The following CEP128 variants were observed in gnomAD, a reference collection of about 807,000 sequenced individuals.
CEP128 encodes centrosomal protein 128kDa.
In CEP128, 132 loss-of-function variants were observed where a neutral mutation model predicts 156.7. The observed-to-expected ratio is 0.84, with a 90% CI of 0.73 to 0.97. The LOEUF (loss-of-function observed/expected upper bound fraction) is 0.97, where lower values mean the gene tolerates loss of function less well. Among genes scored for constraint, CEP128 ranks in the 50% least tolerant of loss-of-function variants. The pLI is 0.00. For synonymous variants in CEP128, 469 were observed against 448.9 expected, an observed-to-expected ratio of 1.04 and a Z score of -0.57; for missense variants, 1,252 against 1,281.9, an observed-to-expected ratio of 0.98 and a Z score of 0.36.
Position 80,479,463 on chromosome 14 carries a change from TAAG to T in CEP128, c.*311-1059_*311-1057del, listed in dbSNP as rs994659260. On this transcript the variant is annotated intron_variant and NMD_transcript_variant, in intron 14 of 14. Transcript: ENST00000554502. ...TTACATGGTAGCAGCAAGAGAAAAATAAGAAGAAGCAAAAGCGGAAACCCCTGA... is the reference window on the plus strand; with the variant it reads ...TTACATGGTAGCAGCAAGAGAAAAATAAGAAGCAAAAGCGGAAACCCCTGA... Among the ~76,000 whole-genome samples, 13 of 151,670 alleles carry T rather than the reference TAAG, an allele frequency of 8.6e-5. 1 individual carries two copies. In the South Asian group the frequency reaches 1.3e-3, roughly 15 times the overall value.
At position 80,798,565 on chromosome 14, in the gene CEP128, A is replaced by T. The variant is rs146219829; in HGVS notation, c.1210-5455T>A. On this transcript the variant is annotated intron_variant, in intron 13 of 24. Coordinates refer to ENST00000555265, the MANE Select transcript of CEP128 (RefSeq NM_152446.5). Reference sequence around the variant, plus strand: ...GTATGGAGCAAAATTTTAGACTCTCAGTAACCAGGTGGTCAAAATAAACTA... The same window carrying T: ...GTATGGAGCAAAATTTTAGACTCTCTGTAACCAGGTGGTCAAAATAAACTA... Among the ~76,000 whole-genome samples, 672 of 152,358 alleles carry T rather than the reference A, an allele frequency of 4.4e-3. 1 individual carries two copies. Among genetic ancestry groups the T allele is most frequent in the South Asian group, 8.1e-3 (39 of 4,832 alleles).
At chr14:80,504,890 G>T in intron 24 of CEP128, 22 bp downstream of exon 24, 3 of 1,279,692 alleles carry the variant, frequency 2.3e-6, no homozygotes, top group South Asian at 1.5e-5. Flanking sequence ...TTTAAAAATG[G>T]GTACAAGACT....
intron 19 of CEP128, among the ~76,000 whole-genome samples, chr14:80,656,114 A>C (rs1286148632): frequency 1.3e-5 from 2 of 151,482 alleles, no homozygotes; most frequent in South Asian, 4.2e-4. Context: ...GTCCTATCAA[A>C]AGCCTATCAA....
At chr14:80,879,936 A>G (rs1888454377) in intron 8 of CEP128, among the ~76,000 whole-genome samples, 1 of 152,188 alleles carries the variant, frequency 6.6e-6, no homozygotes, top group Admixed American at 6.5e-5. Context: ...AATTTCTTAC[A>G]CTCTTCCAAA....
intron 19 of CEP128, among the ~76,000 whole-genome samples, chr14:80,734,493 C>T (rs1163718141): frequency 6.6e-6 from 1 of 151,800 alleles, no homozygotes; most frequent in African/African-American, 2.4e-5. Flanking sequence ...TTATAAATTA[C>T]TTAAAGCACT....
chr14:80,908,730 G>A (rs565940107), intron 4 of CEP128, among the ~76,000 whole-genome samples: 2 of 152,294 alleles, frequency 1.3e-5, no homozygotes, highest in East Asian at 3.9e-4. Context: ...ATGAGAAGTT[G>A]TAGAAATAAT....
At chr14:80,898,096 A>G (rs1889433215) in intron 7 of CEP128, among the ~76,000 whole-genome samples, 1 of 152,204 alleles carries the variant, frequency 6.6e-6, no homozygotes, top group African/African-American at 2.4e-5. Context: ...AATTCTTCAT[A>G]TGGCATCCAA....
intron 9 of CEP128, among the ~76,000 whole-genome samples, chr14:80,859,866 C>T (rs368041040): frequency 2.8e-4 from 42 of 152,136 alleles, no homozygotes; most frequent in Admixed American, 1.4e-3. Context: ...CACAGAATGC[C>T]TCCCTGTAAT....
intron 20 of CEP128, among the ~76,000 whole-genome samples, chr14:80,563,803 G>A (rs572219567): frequency 6.6e-6 from 1 of 152,042 alleles, no homozygotes; most frequent in East Asian, 1.9e-4. Flanking sequence ...CCAAAGTGCT[G>A]GGATTACAGG....
intron 13 of CEP128, among the ~76,000 whole-genome samples, chr14:80,819,553 C>T (rs1021824064): frequency 1.3e-5 from 2 of 151,980 alleles, no homozygotes; most frequent in African/African-American, 2.4e-5. Flanking sequence ...GCCTCTCTGG[C>T]CTCTTCTTAT....
At chr14:80,596,258 G>T (rs1410159792) in intron 19 of CEP128, among the ~76,000 whole-genome samples, 3 of 152,086 alleles carry the variant, frequency 2.0e-5, no homozygotes, top group Admixed American at 2.0e-4. Flanking sequence ...AAAGTGTAAT[G>T]ATATAGGTTA....
chr14:80,727,452 G>A (rs1257352841), intron 19 of CEP128, among the ~76,000 whole-genome samples: 1 of 151,870 alleles, frequency 6.6e-6, no homozygotes, highest in Non-Finnish European at 1.5e-5. Context: ...AACCAAAAAA[G>A]AGACCGAAAA....
Position 80,496,536 on chromosome 14 carries a change from T to C in CEP128, c.*943A>G, listed in dbSNP as rs1887502966. 3 of 152,624 alleles carry C rather than the reference T, an allele frequency of 2.0e-5. No individual in the cohort carries two copies. Among genetic ancestry groups the C allele is most frequent in the South Asian group, 4.1e-4 (2 of 4,826 alleles). 9.5% of individuals were successfully genotyped at this position (152,624 alleles called of 1,614,324 possible). On this transcript the variant is annotated 3_prime_UTR_variant, in exon 25 of 25. Transcript: ENST00000555265. ...TGTCTATGCAGAATCCATGACCCAA[T>C]AGGATTCAGTTCCTGAAAGTTTACT...
In CEP128 at chr14:80,792,864, C is replaced by G; in HGVS notation, c.1456G>C (p.Ala486Pro). 4.3e-6 allele frequency: 7 copies of G among 1,614,170 alleles called. No individual in the cohort carries two copies. The highest frequency in any genetic ancestry group is 5.9e-6 in the Non-Finnish European group (7 of 1,180,018). ...EKRREDLKLK[A>P]QESIRQWKLK... ...TTCCACTGCCTAATGGATTCTTGAG[C>G]TTTCAGTTTCAGGTCTTCCCTCCTC... is the stretch of plus-strand genomic sequence containing the variant. Residue 486 changes from alanine to proline, a missense_variant, in exon 14 of 25, where the codon GCT (alanine) becomes CCT (proline). Coordinates refer to ENST00000555265, the MANE Select transcript of CEP128 (RefSeq NM_152446.5).
At chr14:80,801,519 A>T (rs1409025706) in intron 13 of CEP128, among the ~76,000 whole-genome samples, 1 of 152,124 alleles carries the variant, frequency 6.6e-6, no homozygotes, top group Non-Finnish European at 1.5e-5. Context: ...TTTAGAAGAA[A>T]AAAAAACAAA....
At chr14:80,490,124 G>T (rs1887275349), downstream of CEP128, among the ~76,000 whole-genome samples, 1 of 151,808 alleles carries the variant, frequency 6.6e-6, no homozygotes, top group South Asian at 2.1e-4. Flanking sequence ...ATTTAAGGGG[G>T]GTACCACTGT....
At chr14:80,669,766 A>G (rs1194948581) in intron 19 of CEP128, among the ~76,000 whole-genome samples, 1 of 152,238 alleles carries the variant, frequency 6.6e-6, no homozygotes, top group Admixed American at 6.5e-5. Flanking sequence ...AGAACTAAAA[A>G]TAAGTATACC....
intron 19 of CEP128, among the ~76,000 whole-genome samples, chr14:80,657,436 A>G (rs1895223393): frequency 6.6e-6 from 1 of 151,928 alleles, no homozygotes; most frequent in African/African-American, 2.4e-5. Flanking sequence ...CAGATCACCT[A>G]AGGTCAGGAG....
chr14:80,757,742 A>G (rs1037066121), intron 17 of CEP128, among the ~76,000 whole-genome samples: 4 of 152,230 alleles, frequency 2.6e-5, no homozygotes, highest in Non-Finnish European at 5.9e-5. Flanking sequence ...CTATTCTCAA[A>G]TACCTCCATA....
Sources: gnomAD v4.1 joint callset for allele counts (sites outside exome capture counted in the v4.1 genomes callset) on GRCh38, gnomAD v4.1.1 for gene constraint, MANE v1.5 for transcripts, NCBI Gene and HGNC (gene_info 2026-07-23, HGNC 2026-07-21) for gene names.